Variants in RIT2 observed in about 807,000 individuals in gnomAD.
The protein encoded by RIT2 is Ras like without CAAX 2.
Under a neutral mutation model 23.7 loss-of-function variants are expected in RIT2, and 24 were observed. The ratio of observed to expected loss-of-function variants is 1.01; its 90% CI spans 0.73 to 1.43. RIT2 has a LOEUF of 1.43. Ranked by LOEUF, RIT2 falls within the 40% of genes most tolerant of loss-of-function variation. RIT2 has a pLI of 0.00. For missense variants in RIT2, 236 were observed against 266.9 expected, an observed-to-expected ratio of 0.88 and a Z score of 0.81; for synonymous variants, 107 against 91.1, an observed-to-expected ratio of 1.17 and a Z score of -0.99.
intron 4 of RIT2, among the ~76,000 whole-genome samples, chr18:42,866,866 T>C (rs1015874530): frequency 6.6e-6 from 1 of 152,102 alleles, no homozygotes; most frequent in African/African-American, 2.4e-5. Context: ...CATTATAGAG[T>C]CATAGTTTTG....
At chr18:42,805,408 AAG>A (rs1443005774) in intron 4 of RIT2, among the ~76,000 whole-genome samples, 5 of 152,216 alleles carry the variant, frequency 3.3e-5, no homozygotes, top group South Asian at 2.1e-4. Context: ...AAAGTTGAAA[AAG>A]AGAGTATTTC....
At chr18:42,880,856 G>A (rs1195603037) in intron 4 of RIT2, among the ~76,000 whole-genome samples, 11 of 137,982 alleles carry the variant, frequency 8.0e-5, no homozygotes, top group Non-Finnish European at 1.7e-4. Context: ...TGCTCAGGCT[G>A]GAGTGCAATG....
chr18:43,028,863 G>C lies in RIT2; in HGVS notation c.160+4948C>G, dbSNP rs573679805. On this transcript the variant is annotated intron_variant, in intron 2 of 4. Coordinates refer to ENST00000326695, the MANE Select transcript of RIT2 (RefSeq NM_002930.4). ...GTGACACAAAGGAGTGACTCTATTAGTGTACATTTTAGACACAGAACAGGC... is the reference window on the plus strand; with the variant it reads ...GTGACACAAAGGAGTGACTCTATTACTGTACATTTTAGACACAGAACAGGC... Among the ~76,000 whole-genome samples the C allele has an allele frequency of 2.0e-5, 3 of 152,106 alleles. No homozygotes were observed. In the East Asian group the frequency reaches 5.8e-4, roughly 29 times the overall value.
chr18:42,847,166 C>A (rs757141095), intron 4 of RIT2, among the ~76,000 whole-genome samples: 4 of 152,194 alleles, frequency 2.6e-5, no homozygotes, highest in Non-Finnish European at 5.9e-5. Flanking sequence ...GTTGAACAAA[C>A]CTGAACTGAA....
At chr18:42,817,262 T>A (rs897140624) in intron 4 of RIT2, among the ~76,000 whole-genome samples, 3 of 152,184 alleles carry the variant, frequency 2.0e-5, no homozygotes, top group Non-Finnish European at 2.9e-5. Context: ...GATTCTTTTT[T>A]AATATTTTTC....
At chr18:42,908,520 AAAG>A (rs1908682948) in intron 4 of RIT2, among the ~76,000 whole-genome samples, 1 of 152,196 alleles carries the variant, frequency 6.6e-6, no homozygotes, top group Non-Finnish European at 1.5e-5. Flanking sequence ...AACTAAACCC[AAAG>A]AATAAATCAT....
intron 2 of RIT2, among the ~76,000 whole-genome samples, chr18:42,994,391 AAAC>A (rs1387193357): frequency 6.6e-6 from 1 of 152,118 alleles, no homozygotes; most frequent in Non-Finnish European, 1.5e-5. Flanking sequence ...CCCTTCTACA[AAAC>A]AACAACTCCT....
At chr18:43,013,339 T>C (rs1288114654) in intron 2 of RIT2, among the ~76,000 whole-genome samples, 2 of 151,830 alleles carry the variant, frequency 1.3e-5, no homozygotes, top group Non-Finnish European at 2.9e-5. Flanking sequence ...ATGTAAGTAA[T>C]GAATATAAAT....
At chr18:42,906,621 C>T (rs1418983048) in intron 4 of RIT2, among the ~76,000 whole-genome samples, 8 of 152,150 alleles carry the variant, frequency 5.3e-5, no homozygotes, top group Non-Finnish European at 1.2e-4. Flanking sequence ...CAGCTTCTGT[C>T]CTGCTGTTCC....
At chr18:43,077,399 A>G (rs866278695) in intron 1 of RIT2, among the ~76,000 whole-genome samples, 22 of 152,132 alleles carry the variant, frequency 1.4e-4, no homozygotes, top group Middle Eastern at 6.8e-3. Flanking sequence ...CCCTGATGAC[A>G]TGGCCAAAAT....
intron 1 of RIT2, among the ~76,000 whole-genome samples, chr18:43,104,469 G>A (rs1913761864): frequency 6.6e-6 from 1 of 151,952 alleles, no homozygotes; most frequent in Non-Finnish European, 1.5e-5. Flanking sequence ...TGAGGTGATA[G>A]ATATCCTAAT....
intron 2 of RIT2, among the ~76,000 whole-genome samples, chr18:43,003,222 C>A (rs1228606224): frequency 6.8e-6 from 1 of 147,844 alleles, no homozygotes; most frequent in Non-Finnish European, 1.5e-5. Context: ...GTTATGACAG[C>A]AGTAGAAAAC....
chr18:42,811,058 A>T (rs16976940), intron 4 of RIT2, among the ~76,000 whole-genome samples: 11,684 of 152,094 alleles, frequency 0.077, 1,433 homozygotes, highest in African/African-American at 0.26. Context: ...GCAGAAAATT[A>T]TAGATTTTGT....
At chr18:42,893,437 C>T (rs1337712621) in intron 4 of RIT2, among the ~76,000 whole-genome samples, 1 of 152,100 alleles carries the variant, frequency 6.6e-6, no homozygotes, top group Non-Finnish European at 1.5e-5. Context: ...CCTCAAAAGG[C>T]AGAAGGGGTG....
chr18:43,011,872 C>A (rs1911358951), intron 2 of RIT2, among the ~76,000 whole-genome samples: 1 of 151,918 alleles, frequency 6.6e-6, no homozygotes. Flanking sequence ...GTAATAATTT[C>A]ATATTCCTCT....
At chr18:42,956,135 G>T (rs1015004635) in intron 3 of RIT2, among the ~76,000 whole-genome samples, 2 of 152,106 alleles carry the variant, frequency 1.3e-5, no homozygotes, top group African/African-American at 4.8e-5. Flanking sequence ...AGGATCAGAA[G>T]GTTTGGGTTT....
At chr18:42,934,226 T>C (rs1909399988) in intron 3 of RIT2, among the ~76,000 whole-genome samples, 1 of 152,128 alleles carries the variant, frequency 6.6e-6, no homozygotes, top group South Asian at 2.1e-4. Flanking sequence ...GTAACTGTGC[T>C]CAATCAAATA....
intron 4 of RIT2, among the ~76,000 whole-genome samples, chr18:42,846,305 C>T (rs1906907231): frequency 6.6e-6 from 1 of 151,684 alleles, no homozygotes; most frequent in African/African-American, 2.4e-5. Flanking sequence ...ATAAAAGCCA[C>T]ATACAAAGAA....
chr18:42,851,102 C>A (rs143065229), intron 4 of RIT2, among the ~76,000 whole-genome samples: 2 of 152,222 alleles, frequency 1.3e-5, no homozygotes, highest in African/African-American at 4.8e-5. Context: ...CAAACTTTAC[C>A]TAATCTTGTC....
Sources: allele counts gnomAD v4.1 joint callset (sites outside exome capture counted in the v4.1 genomes callset), GRCh38; gene constraint gnomAD v4.1.1; transcripts MANE v1.5; gene names NCBI Gene and HGNC (gene_info 2026-07-23, HGNC 2026-07-21).